Variants in CATSPERT observed in about 807,000 individuals in gnomAD.
CATSPERT encodes the protein cation channel sperm-associated targeting subunit tau.
the CATSPERT span, chr2:201,619,138 T>A: frequency 6.2e-7 from 1 of 1,613,866 alleles, no homozygotes; most frequent in Non-Finnish European, 8.5e-7. Context: ...CATCTCTCCA[T>A]CTTCTGCGGC....
At chr2:201,591,653 T>C in the CATSPERT span, among the ~76,000 whole-genome samples, 1 of 152,196 alleles carries the variant, frequency 6.6e-6, no homozygotes, top group Non-Finnish European at 1.5e-5. Context: ...TATCCTCTTT[T>C]ATTTCCTTGC....
At chr2:201,497,252 G>A in the CATSPERT span, among the ~76,000 whole-genome samples, 1 of 152,138 alleles carries the variant, frequency 6.6e-6, no homozygotes, top group Admixed American at 6.5e-5. Flanking sequence ...TATTGTCTCT[G>A]CAAGTTGCTC....
chr2:201,590,795 T>A, the CATSPERT span, among the ~76,000 whole-genome samples: 1 of 151,912 alleles, frequency 6.6e-6, no homozygotes, highest in Non-Finnish European at 1.5e-5. Context: ...TTTTGAGAAG[T>A]GTCTGTTCAT....
At chr2:201,506,582 C>G in the CATSPERT span, among the ~76,000 whole-genome samples, 1 of 152,134 alleles carries the variant, frequency 6.6e-6, no homozygotes, top group African/African-American at 2.4e-5. Flanking sequence ...GAGACGGAGT[C>G]TTGCTCTGTC....
At chr2:201,487,894 T>C in the CATSPERT span, 1 of 1,600,622 alleles carries the variant, frequency 6.2e-7, no homozygotes, top group South Asian at 1.1e-5. Context: ...CAAATTTATC[T>C]GAACAATCCT....
chr2:201,553,736 C>T, the CATSPERT span: 1 of 152,152 alleles, frequency 6.6e-6, no homozygotes, highest in South Asian at 2.1e-4. Flanking sequence ...ATTAGCACGA[C>T]TACTTGTAAT....
At chr2:201,543,665 G>T in the CATSPERT span, among the ~76,000 whole-genome samples, 15 of 152,032 alleles carry the variant, frequency 9.9e-5, no homozygotes, top group Non-Finnish European at 1.5e-5. Context: ...CATTGTTAGT[G>T]TATAGAAACA....
the CATSPERT span, among the ~76,000 whole-genome samples, chr2:201,617,312 A>G: frequency 1.3e-5 from 2 of 152,226 alleles, no homozygotes; most frequent in Non-Finnish European, 2.9e-5. Flanking sequence ...GAACTATACT[A>G]CAAGGCTACA....
At chr2:201,562,566 G>A in the CATSPERT span, among the ~76,000 whole-genome samples, 1 of 148,914 alleles carries the variant, frequency 6.7e-6, no homozygotes, top group South Asian at 2.2e-4. Flanking sequence ...CTCACAGAGG[G>A]GGATTTGGCA....
At chr2:201,542,053 C>T in the CATSPERT span, among the ~76,000 whole-genome samples, 1 of 152,092 alleles carries the variant, frequency 6.6e-6, no homozygotes, top group African/African-American at 2.4e-5. Context: ...GCCACTGTGC[C>T]CAGCCAGCAA....
chr2:201,519,776 A>T, the CATSPERT span, among the ~76,000 whole-genome samples: 93,113 of 152,006 alleles, frequency 0.61, 30,300 homozygotes, highest in East Asian at 0.95. Flanking sequence ...TCTGAATTTG[A>T]AGACAGGTCC....
chr2:201,617,435 C>G, the CATSPERT span, among the ~76,000 whole-genome samples: 1 of 152,156 alleles, frequency 6.6e-6, no homozygotes, highest in South Asian at 2.1e-4. Flanking sequence ...TTTGACAAAC[C>G]TGACATAAAC....
chr2:201,499,964 C>T, the CATSPERT span, among the ~76,000 whole-genome samples: 1 of 150,930 alleles, frequency 6.6e-6, no homozygotes, highest in South Asian at 2.1e-4. Context: ...GAACAAGCCA[C>T]CATCATGTTT....
chr2:201,586,696 C>T, the CATSPERT span, among the ~76,000 whole-genome samples: 1 of 151,696 alleles, frequency 6.6e-6, no homozygotes, highest in Admixed American at 6.6e-5. Context: ...CAGTTTTTAA[C>T]TGCCTTCATA....
chr2:201,534,781 G>GTA, the CATSPERT span: 90 of 949,272 alleles, frequency 9.5e-5, 1 homozygote, highest in African/African-American at 1.5e-3. Context: ...ATAAGCAAAA[G>GTA]TGTTAATTTC....
the CATSPERT span, among the ~76,000 whole-genome samples, chr2:201,562,312 C>A: frequency 2.6e-4 from 40 of 151,406 alleles, no homozygotes; most frequent in Non-Finnish European, 4.7e-4. Context: ...CTCAGCCTCC[C>A]GAGTAGGTGG....
the CATSPERT span, chr2:201,536,343 AAACT>A: frequency 6.4e-7 from 1 of 1,561,224 alleles, no homozygotes; most frequent in Non-Finnish European, 8.7e-7. Flanking sequence ...GCAATAAAAC[AAACT>A]ACCAGTTAAT....
chr2:201,491,866 T>C, the CATSPERT span: 1 of 1,536,858 alleles, frequency 6.5e-7, no homozygotes, highest in Non-Finnish European at 8.7e-7. Context: ...ATGAACAGAA[T>C]TTTCTGCTTG....
the CATSPERT span, chr2:201,582,036 A>C: frequency 6.4e-7 from 1 of 1,572,128 alleles, no homozygotes; most frequent in Non-Finnish European, 8.6e-7. Context: ...AAATCACAAC[A>C]AACTGGACAA....
Sources: allele counts gnomAD v4.1 joint callset (sites outside exome capture counted in the v4.1 genomes callset), GRCh38; gene constraint gnomAD v4.1.1; transcripts MANE v1.5; gene names NCBI Gene and HGNC (gene_info 2026-07-23, HGNC 2026-07-21).